CACNA1E: variants seen among roughly 807,000 people sequenced by gnomAD.
The protein encoded by CACNA1E is voltage-dependent R-type calcium channel subunit alpha-1E.
In CACNA1E, 40 loss-of-function variants were observed where a neutral mutation model predicts 259.2. That is an observed-to-expected ratio of 0.15 (90% CI 0.12 to 0.20). The LOEUF is 0.20. CACNA1E is among the 10% of genes least tolerant of loss of function. CACNA1E has a pLI of 1.00. For synonymous variants in CACNA1E, 1,104 were observed against 1,138.5 expected (o/e 0.97, Z 0.61); for missense variants, 1,874 against 3,040.1 (o/e 0.62, Z 9.02).
intron 2 of CACNA1E, among the ~76,000 whole-genome samples, chr1:181,443,782 C>A: frequency 6.6e-6 from 1 of 152,184 alleles, no homozygotes; most frequent in Non-Finnish European, 1.5e-5. Context: ...ACTCCAGGAT[C>A]CATTCTCTTC....
chr1:181,579,443 T>C (rs1460578780), intron 5 of CACNA1E, among the ~76,000 whole-genome samples: 4 of 152,166 alleles, frequency 2.6e-5, no homozygotes, highest in Non-Finnish European at 5.9e-5. Flanking sequence ...AGTTGGAAGA[T>C]TTCAAATAGA....
intron 3 of CACNA1E, among the ~76,000 whole-genome samples, chr1:181,573,134 C>CTTTT (rs1193131874): frequency 1.3e-5 from 2 of 152,086 alleles, no homozygotes; most frequent in African/African-American, 2.4e-5. Flanking sequence ...TTGGCTTGCT[C>CTTTT]TTTTATGAGA....
intron 6 of CACNA1E, among the ~76,000 whole-genome samples, chr1:181,619,417 T>G (rs1282666495): frequency 6.6e-6 from 1 of 152,058 alleles, no homozygotes; most frequent in African/African-American, 2.4e-5. Flanking sequence ...TGGATGGAGC[T>G]TATCAACTAG....
intron 6 of CACNA1E, among the ~76,000 whole-genome samples, chr1:181,644,159 T>G (rs1219079182): frequency 2.0e-5 from 3 of 152,354 alleles, no homozygotes; most frequent in African/African-American, 7.2e-5. Context: ...CTGTCCTATC[T>G]GTCTTTTGTT....
intron 1 of CACNA1E, among the ~76,000 whole-genome samples, chr1:181,348,051 C>T (rs1652746668): frequency 6.6e-6 from 1 of 152,208 alleles, no homozygotes; most frequent in Non-Finnish European, 1.5e-5. Flanking sequence ...AGGCTTGGTT[C>T]CTGAAGTGAG....
chr1:181,546,080 C>T (rs913900387), intron 3 of CACNA1E, among the ~76,000 whole-genome samples: 1 of 151,956 alleles, frequency 6.6e-6, no homozygotes, highest in South Asian at 2.1e-4. Context: ...CAGAAGCTGC[C>T]CCGACAGTCT....
At chr1:181,441,265 A>G (rs1660455231) in intron 2 of CACNA1E, among the ~76,000 whole-genome samples, 1 of 152,170 alleles carries the variant, frequency 6.6e-6, no homozygotes, top group Admixed American at 6.5e-5. Context: ...CTTCTGCCTC[A>G]GCAGAAGTCC....
intron 46 of CACNA1E, among the ~76,000 whole-genome samples, chr1:181,796,456 A>G (rs1218146990): frequency 6.6e-6 from 1 of 152,126 alleles, no homozygotes; most frequent in East Asian, 1.9e-4. Context: ...TAATCTCATC[A>G]TGGAGGCCCC....
chr1:181,711,079 G>T lies in CACNA1E; in HGVS notation c.1171+10G>T, dbSNP rs542559086. ...TGGATAGACAAAGCAGGTAGGCCTG[G>T]GGGGCTGCAGGAGGCTGGTGAGTGG... On this transcript the variant is annotated intron_variant, in intron 8 of 47. Coordinates refer to ENST00000367573, the MANE Select transcript of CACNA1E (RefSeq NM_001205293.3). 1.3e-6 allele frequency: 2 copies of T among 1,583,808 alleles called. No individual in the cohort carries two copies. Among genetic ancestry groups the T allele is most frequent in the East Asian group, 4.5e-5 (2 of 44,732 alleles).
chr1:181,446,786 G>C (rs964570948), intron 2 of CACNA1E, among the ~76,000 whole-genome samples: 1 of 152,092 alleles, frequency 6.6e-6, no homozygotes, highest in African/African-American at 2.4e-5. Context: ...TTGTTTCACT[G>C]AGAAAGCTCT....
intron 3 of CACNA1E, among the ~76,000 whole-genome samples, chr1:181,526,412 ATT>A (rs10605662): frequency 0.11 from 16,384 of 142,900 alleles, 1,006 homozygotes; most frequent in South Asian, 0.17. Flanking sequence ...CATGGTCTGA[ATT>A]TTTTTTTTTT....
At chr1:181,382,738 G>A (rs1292319010) in intron 1 of CACNA1E, among the ~76,000 whole-genome samples, 6 of 152,126 alleles carry the variant, frequency 3.9e-5, no homozygotes, top group East Asian at 1.9e-4. Context: ...AAAGCTTCCC[G>A]TGTGCTTCAT....
At chr1:181,792,830 G>A (rs1044993678) in intron 44 of CACNA1E, among the ~76,000 whole-genome samples, 1 of 152,144 alleles carries the variant, frequency 6.6e-6, no homozygotes, top group Admixed American at 6.5e-5. Flanking sequence ...TCTGTATAGC[G>A]CATGCACAGC....
At chr1:181,455,005 AG>A (rs1661374807) in intron 2 of CACNA1E, among the ~76,000 whole-genome samples, 1 of 152,328 alleles carries the variant, frequency 6.6e-6, no homozygotes, top group Non-Finnish European at 1.5e-5. Context: ...CATTTTCATC[AG>A]TTTTCTGTGA....
At chr1:181,624,561 C>A (rs1457944832) in intron 6 of CACNA1E, among the ~76,000 whole-genome samples, 1 of 152,174 alleles carries the variant, frequency 6.6e-6, no homozygotes, top group Non-Finnish European at 1.5e-5. Flanking sequence ...AAAAGCAACT[C>A]CTCATCAATG....
chr1:181,323,868 C>A (rs183755906), intron 1 of CACNA1E, among the ~76,000 whole-genome samples: 49 of 152,256 alleles, frequency 3.2e-4, no homozygotes, highest in Admixed American at 1.7e-3. Flanking sequence ...ATGAGCTATT[C>A]GGTGCTGAAG....
intron 6 of CACNA1E, among the ~76,000 whole-genome samples, chr1:181,598,242 T>A (rs1158115112): frequency 2.0e-5 from 3 of 152,194 alleles, no homozygotes; most frequent in Non-Finnish European, 2.9e-5. Context: ...AGGCATTGGA[T>A]GGTGGAAGAG....
intron 2 of CACNA1E, among the ~76,000 whole-genome samples, chr1:181,420,213 A>C (rs1658622995): frequency 6.6e-6 from 1 of 151,890 alleles, no homozygotes; most frequent in Admixed American, 6.5e-5. Flanking sequence ...CCAACCTGGG[A>C]GGTCTCCTGC....
intron 2 of CACNA1E, among the ~76,000 whole-genome samples, chr1:181,478,467 A>G (rs1663008735): frequency 6.6e-6 from 1 of 152,228 alleles, no homozygotes; most frequent in Non-Finnish European, 1.5e-5. Context: ...GCATTTGCAC[A>G]TGGTCTCCTG....
Sources: allele counts gnomAD v4.1 joint callset (sites outside exome capture counted in the v4.1 genomes callset), GRCh38; gene constraint gnomAD v4.1.1; transcripts MANE v1.5; gene names NCBI Gene and HGNC (gene_info 2026-07-23, HGNC 2026-07-21).